FBXL17: variants seen among roughly 807,000 people sequenced by gnomAD.
The protein encoded by FBXL17 is F-box and leucine rich repeat protein 17, also known as F-box/LRR-repeat protein 17.
A neutral mutation model predicts 66.2 loss-of-function variants in FBXL17; 22 were observed. That is an observed-to-expected ratio of 0.33 (90% CI 0.24 to 0.47). The LOEUF is 0.47. Among genes scored for constraint, FBXL17 ranks in the 20% least tolerant of loss-of-function variants. The pLI, the probability that FBXL17 is intolerant of heterozygous loss-of-function variation, is 1.00. For synonymous variants in FBXL17, 474 were observed against 400.5 expected (o/e 1.18, Z -2.19); for missense variants, 878 against 948.2 (o/e 0.93, Z 0.97).
chr5:108,114,448 C>G (rs554163971), intron 6 of FBXL17, among the ~76,000 whole-genome samples: 132 of 152,190 alleles, frequency 8.7e-4, no homozygotes, highest in African/African-American at 3.0e-3. Context: ...CAATAAATGT[C>G]TGATTCAAAC....
chr5:107,978,735 G>GA (rs891313288), intron 7 of FBXL17, among the ~76,000 whole-genome samples: 5 of 151,988 alleles, frequency 3.3e-5, no homozygotes, highest in African/African-American at 1.2e-4. Flanking sequence ...AACTATCCTT[G>GA]AAAAAACCCC....
intron 6 of FBXL17, among the ~76,000 whole-genome samples, chr5:108,040,321 C>A (rs577559684): frequency 3.3e-5 from 5 of 152,240 alleles, no homozygotes; most frequent in South Asian, 2.1e-4. Flanking sequence ...ATGGTGGCAG[C>A]ATAAATTAGC....
intron 4 of FBXL17, among the ~76,000 whole-genome samples, chr5:108,260,558 A>T (rs1189142011): frequency 6.6e-6 from 1 of 152,178 alleles, no homozygotes; most frequent in African/African-American, 2.4e-5. Context: ...ACATCGTATT[A>T]CAAGGAGGGA....
intron 4 of FBXL17, among the ~76,000 whole-genome samples, chr5:108,282,134 A>G (rs1422273616): frequency 6.6e-6 from 1 of 151,892 alleles, no homozygotes; most frequent in Non-Finnish European, 1.5e-5. Context: ...AACTGTTTCA[A>G]AAAATTGAGG....
intron 4 of FBXL17, among the ~76,000 whole-genome samples, chr5:108,257,841 T>C (rs1199096712): frequency 1.3e-5 from 2 of 152,176 alleles, no homozygotes; most frequent in African/African-American, 4.8e-5. Context: ...GACCTGTTGG[T>C]ACCTGGACCG....
At chr5:107,945,982 AT>A (rs1194852208) in intron 7 of FBXL17, among the ~76,000 whole-genome samples, 3 of 151,992 alleles carry the variant, frequency 2.0e-5, no homozygotes, top group African/African-American at 7.2e-5. Context: ...AGCCAGACAT[AT>A]TCCAGTGCAT....
chr5:108,107,758 G>A (rs138385295), intron 6 of FBXL17, among the ~76,000 whole-genome samples: 8,223 of 148,206 alleles, frequency 0.055, 398 homozygotes, highest in African/African-American at 0.13. Context: ...CTTGCAGTGA[G>A]CTGAGATGGC....
chr5:107,968,798 C>G (rs767553788), intron 7 of FBXL17, among the ~76,000 whole-genome samples: 1 of 152,042 alleles, frequency 6.6e-6, no homozygotes, highest in Non-Finnish European at 1.5e-5. Context: ...TCTAGTGGCT[C>G]TTATTTTAGA....
chr5:107,979,345 T>C lies in FBXL17; in HGVS notation c.1822+41580A>G, dbSNP rs1260606754. Among the ~76,000 whole-genome samples, 5 of 152,328 alleles carry C rather than the reference T, an allele frequency of 3.3e-5. No individual in the cohort carries two copies. The East Asian group carries it at 5.8e-4, about 18-fold the overall frequency. ...TTATTGAGTCAAGCTAATCATATCA[T>C]TACTATTTCCTTAAAGTTCCAGCAT... On this transcript the variant is annotated intron_variant, in intron 7 of 8. Coordinates refer to ENST00000542267, the MANE Select transcript of FBXL17 (RefSeq NM_001163315.3).
Position 108,248,916 on chromosome 5 carries a change from T to C in FBXL17, c.1507-24688A>G, listed in dbSNP as rs534211277. ...TTACAGAATTTTTTCCAAGCAGACCTACCCTAAAAGTATAAGAGAAAGCTC... is the reference window on the plus strand; with the variant it reads ...TTACAGAATTTTTTCCAAGCAGACCCACCCTAAAAGTATAAGAGAAAGCTC... On this transcript the variant is annotated intron_variant, in intron 4 of 8. Transcript: ENST00000542267. 5.3e-4 allele frequency among the ~76,000 whole-genome samples: 81 copies of C among 152,196 alleles called. 1 individual carries two copies. In the Middle Eastern group the frequency reaches 0.014, roughly 26 times the overall value.
intron 7 of FBXL17, among the ~76,000 whole-genome samples, chr5:107,979,113 A>G (rs553128997): frequency 1.3e-5 from 2 of 152,354 alleles, no homozygotes; most frequent in South Asian, 4.1e-4. Flanking sequence ...CCTGACATAC[A>G]TTAAGAGCTC....
chr5:108,093,941 T>C (rs1331258362), intron 6 of FBXL17, among the ~76,000 whole-genome samples: 2 of 152,152 alleles, frequency 1.3e-5, no homozygotes, highest in African/African-American at 4.8e-5. Flanking sequence ...CACATCTGCA[T>C]GTACTATTAT....
chr5:108,083,571 A>ATTTTTT (rs5870295), intron 6 of FBXL17, among the ~76,000 whole-genome samples: 1 of 142,382 alleles, frequency 7.0e-6, no homozygotes, highest in African/African-American at 2.6e-5. Flanking sequence ...TTTGTGGCTA[A>ATTTTTT]TTTTTTTTTT....
At chr5:108,136,977 C>G (rs1172693030) in intron 6 of FBXL17, among the ~76,000 whole-genome samples, 1 of 152,006 alleles carries the variant, frequency 6.6e-6, no homozygotes, top group Non-Finnish European at 1.5e-5. Context: ...ATTTCAAATT[C>G]CAAGAAACTC....
At chr5:107,903,864 C>A (rs910719656) in intron 7 of FBXL17, among the ~76,000 whole-genome samples, 1 of 152,098 alleles carries the variant, frequency 6.6e-6, no homozygotes, top group Non-Finnish European at 1.5e-5. Context: ...TTTTCCTCTG[C>A]TGTTCTTCAT....
At chr5:108,223,024 T>G (rs760362298) in intron 5 of FBXL17, among the ~76,000 whole-genome samples, 6 of 152,044 alleles carry the variant, frequency 3.9e-5, no homozygotes, top group Non-Finnish European at 8.8e-5. Flanking sequence ...TTTACTGTGG[T>G]CTCTATTCTG....
intron 6 of FBXL17, among the ~76,000 whole-genome samples, chr5:108,098,342 G>A (rs1021051355): frequency 6.6e-6 from 1 of 152,104 alleles, no homozygotes; most frequent in Non-Finnish European, 1.5e-5. Context: ...ACTCCAGCCT[G>A]AGCCACAGAG....
intron 3 of FBXL17, among the ~76,000 whole-genome samples, chr5:108,353,478 G>A (rs1218250483): frequency 6.6e-6 from 1 of 152,184 alleles, no homozygotes; most frequent in Non-Finnish European, 1.5e-5. Flanking sequence ...GCTCTACCAG[G>A]TCTTCACGGA....
At chr5:108,088,616 G>T (rs918442216) in intron 6 of FBXL17, among the ~76,000 whole-genome samples, 1 of 145,524 alleles carries the variant, frequency 6.9e-6, no homozygotes, top group South Asian at 2.2e-4. Context: ...CAGGAGAATC[G>T]CTTAAACTTG....
Sources: allele counts gnomAD v4.1 joint callset (sites outside exome capture counted in the v4.1 genomes callset), GRCh38; gene constraint gnomAD v4.1.1; transcripts MANE v1.5; gene names NCBI Gene and HGNC (gene_info 2026-07-23, HGNC 2026-07-21).